Variants in ADGRL3 observed in about 807,000 individuals in gnomAD.
ADGRL3 encodes the protein calcium-independent alpha-latrotoxin receptor 3.
Under a neutral mutation model 153.5 loss-of-function variants are expected in ADGRL3, and 62 were observed. The observed-to-expected ratio is 0.40, with a 90% CI of 0.33 to 0.50. The LOEUF is 0.50. ADGRL3 is among the 20% of genes least tolerant of loss of function. The pLI is 0.47. For missense variants in ADGRL3, 1,641 were observed against 1,859.4 expected (o/e 0.88, Z 2.16); for synonymous variants, 710 against 672.5 (o/e 1.06, Z -0.86).
At chr4:61,957,702 A>T (rs2098972876) in intron 17 of ADGRL3, among the ~76,000 whole-genome samples, 1 of 151,782 alleles carries the variant, frequency 6.6e-6, no homozygotes, top group African/African-American at 2.4e-5. Flanking sequence ...TTTTTGTACA[A>T]GGACACTGCT....
intron 21 of ADGRL3, among the ~76,000 whole-genome samples, chr4:62,010,834 A>T (rs951087201): frequency 6.6e-6 from 1 of 152,162 alleles, no homozygotes; most frequent in African/African-American, 2.4e-5. Flanking sequence ...TGATTCAGGG[A>T]TAAAATTTTT....
intron 8 of ADGRL3, among the ~76,000 whole-genome samples, chr4:61,756,190 A>G (rs1580657298): frequency 1.3e-5 from 2 of 152,230 alleles, no homozygotes; most frequent in East Asian, 1.9e-4. Context: ...ATGGCGTTGA[A>G]TCTATAAATT....
intron 8 of ADGRL3, among the ~76,000 whole-genome samples, chr4:61,768,248 A>C (rs187401045): frequency 5.3e-5 from 8 of 151,704 alleles, no homozygotes; most frequent in African/African-American, 1.2e-4. Flanking sequence ...ACTGTAAGCC[A>C]GACCAGGTGT....
At position 62,071,823 on chromosome 4, in the gene ADGRL3, A is replaced by AT. The variant is rs1301919579; in HGVS notation, c.*919dup. On this transcript the variant is annotated 3_prime_UTR_variant, in exon 27 of 27. Transcript: ENST00000683033. Reference sequence around the variant, plus strand: ...ATGGAACTATCACTTTATAAGAATCATTTTCTAGTAATGCAAACAAATTAT... The same window carrying AT: ...ATGGAACTATCACTTTATAAGAATCATTTTTCTAGTAATGCAAACAAATTAT... 2 of 361,182 alleles carry AT rather than the reference A, an allele frequency of 5.5e-6. No individual in the cohort carries two copies. Among genetic ancestry groups the AT allele is most frequent in the African/African-American group, 4.4e-5 (2 of 45,542 alleles). 22.4% of individuals were successfully genotyped at this position (361,182 alleles called of 1,614,324 possible).
At chr4:61,893,115 CTT>C (rs1561427612) in intron 10 of ADGRL3, among the ~76,000 whole-genome samples, 157 bp downstream of exon 10, 13 of 145,248 alleles carry the variant, frequency 9.0e-5, no homozygotes, top group East Asian at 6.6e-4. Context: ...TTCCTTCTTT[CTT>C]TCTCTCTTTC....
chr4:61,433,367 A>ATTTTTTTT (rs1560625072), intron 2 of ADGRL3, among the ~76,000 whole-genome samples: 10 of 80,246 alleles, frequency 1.2e-4, no homozygotes, highest in South Asian at 9.2e-4. Flanking sequence ...TTTTTTTTTA[A>ATTTTTTTT]AAAAAAATCA....
intron 9 of ADGRL3, among the ~76,000 whole-genome samples, chr4:61,830,574 A>G (rs1470872093): frequency 6.6e-6 from 1 of 152,096 alleles, no homozygotes; most frequent in Admixed American, 6.6e-5. Flanking sequence ...TGTCTAGCCT[A>G]TTTTCTAATG....
At chr4:61,834,576 C>G (rs1423029419) in intron 9 of ADGRL3, among the ~76,000 whole-genome samples, 2 of 152,082 alleles carry the variant, frequency 1.3e-5, no homozygotes, top group East Asian at 3.9e-4. Context: ...ACTTGTTAAT[C>G]TTAAGGTGTA....
In ADGRL3 at chr4:62,075,385, A is replaced by C. The variant is rs530301223; in HGVS notation, c.*4477A>C. Reference sequence around the variant, plus strand: ...TTGCAGAGGGAAAAAAACCAACACTACAGAAGTATAATGCATGTCAATTCA... The same window carrying C: ...TTGCAGAGGGAAAAAAACCAACACTCCAGAAGTATAATGCATGTCAATTCA... On this transcript the variant is annotated 3_prime_UTR_variant, in exon 27 of 27. Coordinates refer to ENST00000683033, the MANE Select transcript of ADGRL3 (RefSeq NM_001387552.1). 7.1e-4 allele frequency: 108 copies of C among 152,286 alleles called. No individual in the cohort carries two copies. The highest frequency in any genetic ancestry group is 2.3e-3 in the African/African-American group (95 of 41,568). The allele number at this position is 152,286 out of a possible 1,614,324, so 9.4% of individuals were successfully genotyped here.
At chr4:61,275,304 A>G (rs2093406411) in intron 1 of ADGRL3, among the ~76,000 whole-genome samples, 1 of 152,160 alleles carries the variant, frequency 6.6e-6, no homozygotes, top group African/African-American at 2.4e-5. Context: ...TTAGAATGGT[A>G]CCTGAAACAG....
At chr4:61,488,238 A>G (rs2098219002) in intron 2 of ADGRL3, among the ~76,000 whole-genome samples, 1 of 152,068 alleles carries the variant, frequency 6.6e-6, no homozygotes, top group Admixed American at 6.5e-5. Flanking sequence ...AAAGTTTCCT[A>G]TTAAAATTAC....
chr4:61,831,705 A>G (rs2097871694), intron 9 of ADGRL3, among the ~76,000 whole-genome samples: 1 of 152,152 alleles, frequency 6.6e-6, no homozygotes, highest in African/African-American at 2.4e-5. Flanking sequence ...ATGGGGGAAG[A>G]TACTTTAATA....
intron 8 of ADGRL3, among the ~76,000 whole-genome samples, chr4:61,757,432 T>C (rs1169664629): frequency 6.6e-6 from 1 of 152,218 alleles, no homozygotes; most frequent in Non-Finnish European, 1.5e-5. Context: ...TATTCTCTGA[T>C]GATAGTTTGT....
At position 61,495,731 on chromosome 4, in the gene ADGRL3, A is replaced by G. The variant is rs114626690; in HGVS notation, c.-173-1390A>G. ...ATAAAGTTACTTTTTCAGTGCTTAAAGTTATTAATATTTGACACCTCTAGG... is the reference window on the plus strand; with the variant it reads ...ATAAAGTTACTTTTTCAGTGCTTAAGGTTATTAATATTTGACACCTCTAGG... On this transcript the variant is annotated intron_variant, in intron 2 of 26. Transcript: ENST00000683033. Among the ~76,000 whole-genome samples the G allele has an allele frequency of 4.5e-3, 686 of 152,284 alleles. 5 individuals are homozygous for G. The highest frequency in any genetic ancestry group is 8.1e-3 in the Non-Finnish European group (549 of 68,010).
At chr4:61,704,218 C>T (rs766283875) in intron 6 of ADGRL3, among the ~76,000 whole-genome samples, 5 of 152,072 alleles carry the variant, frequency 3.3e-5, no homozygotes, top group Admixed American at 6.6e-5. Context: ...TCCCACTTAC[C>T]AGTAAGTAAA....
chr4:61,214,448 T>C (rs922249766), intron 1 of ADGRL3, among the ~76,000 whole-genome samples: 1 of 152,240 alleles, frequency 6.6e-6, no homozygotes, highest in African/African-American at 2.4e-5. Context: ...GTGGTTTGGA[T>C]TATTGTTCTA....
chr4:61,931,991 TTA>T (rs576848954), intron 13 of ADGRL3, among the ~76,000 whole-genome samples: 6 of 150,760 alleles, frequency 4.0e-5, no homozygotes, highest in African/African-American at 9.7e-5. Flanking sequence ...GTTCATTAGT[TTA>T]TATATATATA....
At chr4:61,472,884 A>G (rs1411629476) in intron 2 of ADGRL3, among the ~76,000 whole-genome samples, 1 of 152,086 alleles carries the variant, frequency 6.6e-6, no homozygotes, top group Non-Finnish European at 1.5e-5. Context: ...TACTGAGCTC[A>G]ATTATACCTA....
intron 17 of ADGRL3, among the ~76,000 whole-genome samples, chr4:61,961,666 A>G (rs774451455): frequency 6.6e-6 from 1 of 152,118 alleles, no homozygotes; most frequent in Non-Finnish European, 1.5e-5. Context: ...GCAGGGAGGA[A>G]AAAAAGAAGA....
Sources: gnomAD v4.1 joint callset for allele counts (sites outside exome capture counted in the v4.1 genomes callset) on GRCh38, gnomAD v4.1.1 for gene constraint, MANE v1.5 for transcripts, NCBI Gene and HGNC (gene_info 2026-07-23, HGNC 2026-07-21) for gene names.